Variants in CNTN5 observed in about 807,000 individuals in gnomAD.
The protein encoded by CNTN5 is contactin-5.
Under a neutral mutation model 129.1 loss-of-function variants are expected in CNTN5, and 77 were observed. The ratio of observed to expected loss-of-function variants is 0.60; its 90% CI spans 0.50 to 0.72. The LOEUF (loss-of-function observed/expected upper bound fraction) is 0.72. Ranked by LOEUF, CNTN5 falls within the 30% of genes least tolerant of loss-of-function variation. The pLI, the probability that CNTN5 is intolerant of heterozygous loss-of-function variation, is 0.00. For missense variants in CNTN5, 1,478 were observed against 1,328.8 expected, an observed-to-expected ratio of 1.11 and a Z score of -1.75; for synonymous variants, 509 against 465.6, an observed-to-expected ratio of 1.09 and a Z score of -1.20.
At chr11:99,610,345 C>G (rs1200812408) in intron 3 of CNTN5, among the ~76,000 whole-genome samples, 1 of 152,092 alleles carries the variant, frequency 6.6e-6, no homozygotes, top group Admixed American at 6.6e-5. Flanking sequence ...GGTGTTATTT[C>G]TCAGTCAGGT....
chr11:99,158,650 G>A (rs1209061298), intron 1 of CNTN5, among the ~76,000 whole-genome samples: 1 of 151,950 alleles, frequency 6.6e-6, no homozygotes, highest in African/African-American at 2.4e-5. Flanking sequence ...ACACATCATT[G>A]GGCAATAGGA....
chr11:99,102,103 C>T (rs1866763240), intron 1 of CNTN5, among the ~76,000 whole-genome samples: 1 of 152,200 alleles, frequency 6.6e-6, no homozygotes, highest in Non-Finnish European at 1.5e-5. Flanking sequence ...CTTGCACCCT[C>T]TGAAGACACA....
At chr11:100,233,035 C>T (rs1308701988) in intron 16 of CNTN5, among the ~76,000 whole-genome samples, 2 of 152,064 alleles carry the variant, frequency 1.3e-5, no homozygotes, top group Non-Finnish European at 2.9e-5. Context: ...ACTTAAACCT[C>T]TCTATGTTAA....
intron 1 of CNTN5, among the ~76,000 whole-genome samples, chr11:99,301,278 A>G (rs958717153): frequency 1.3e-5 from 2 of 151,050 alleles, no homozygotes; most frequent in African/African-American, 4.9e-5. Context: ...AATGAGTTAA[A>G]TACCCCAAAG....
chr11:100,302,177 C>T (rs918680493), intron 20 of CNTN5, among the ~76,000 whole-genome samples: 8 of 151,536 alleles, frequency 5.3e-5, no homozygotes, highest in Admixed American at 2.6e-4. Flanking sequence ...TTAGTCACTT[C>T]GCAATTTGCT....
chr11:99,294,481 T>C (rs1864299961), intron 1 of CNTN5, among the ~76,000 whole-genome samples: 1 of 152,092 alleles, frequency 6.6e-6, no homozygotes, highest in Non-Finnish European at 1.5e-5. Flanking sequence ...ATCTCTATAA[T>C]AAAACCAGTA....
At chr11:100,212,290 T>C (rs1016341864) in intron 15 of CNTN5, among the ~76,000 whole-genome samples, 6 of 152,166 alleles carry the variant, frequency 3.9e-5, no homozygotes, top group African/African-American at 1.4e-4. Context: ...AATGTGACTA[T>C]ACTTCAATGT....
At chr11:100,089,196 T>C (rs527842596) in intron 13 of CNTN5, among the ~76,000 whole-genome samples, 57 of 152,228 alleles carry the variant, frequency 3.7e-4, no homozygotes, top group African/African-American at 1.1e-3. Flanking sequence ...TTTTTTCTTG[T>C]AAATTTATTT....
At chr11:99,716,456 C>G (rs1323522343) in intron 3 of CNTN5, among the ~76,000 whole-genome samples, 1 of 152,114 alleles carries the variant, frequency 6.6e-6, no homozygotes, top group African/African-American at 2.4e-5. Context: ...CTTCCTCTCT[C>G]CACCTCTGGT....
At chr11:100,101,350 T>C (rs1408585004) in intron 13 of CNTN5, among the ~76,000 whole-genome samples, 3 of 152,044 alleles carry the variant, frequency 2.0e-5, no homozygotes, top group Non-Finnish European at 4.4e-5. Flanking sequence ...AGGTAAATGC[T>C]CAAGAAGGAT....
chr11:100,338,435 T>C (rs561934558), intron 21 of CNTN5, among the ~76,000 whole-genome samples: 3 of 152,322 alleles, frequency 2.0e-5, no homozygotes, highest in African/African-American at 7.2e-5. Context: ...AAATATGTTT[T>C]TGGCTTTCTA....
intron 13 of CNTN5, among the ~76,000 whole-genome samples, chr11:100,182,886 A>T (rs1299879943): frequency 6.6e-6 from 1 of 151,508 alleles, no homozygotes; most frequent in Non-Finnish European, 1.5e-5. Context: ...ACCTAAAATA[A>T]GAGTTATTTA....
Position 100,271,184 on chromosome 11 carries a change from C to T in CNTN5, c.2257C>T (p.Pro753Ser), listed in dbSNP as rs749499011. The change falls in exon 18 of 25, where the codon CCT becomes TCT. Residue 753 changes from proline (P) to serine (S), a missense_variant. Pro to Ser is a moderately conservative substitution (Grantham distance 74). Coordinates refer to ENST00000524871, the MANE Select transcript of CNTN5 (RefSeq NM_014361.4). ...EYEFRVVATN[P>S]IGTGDPSTPS... ...TGAATTTCGAGTGGTAGCCACCAAC[C>T]CTATTGGGACAGGAGATCCAAGCAC... is the stretch of plus-strand genomic sequence containing the variant. 3 of 1,613,018 alleles carry T rather than the reference C, an allele frequency of 1.9e-6. No individual in the cohort carries two copies. The South Asian group carries it at 3.3e-5, about 18-fold the overall frequency.
intron 7 of CNTN5, among the ~76,000 whole-genome samples, chr11:99,922,819 C>G (rs1949971072): frequency 6.6e-6 from 1 of 152,134 alleles, no homozygotes; most frequent in African/African-American, 2.4e-5. Flanking sequence ...ACTAGGTGTT[C>G]ATTAAACGCA....
chr11:99,730,725 G>A (rs1943502729), intron 3 of CNTN5, among the ~76,000 whole-genome samples: 1 of 152,146 alleles, frequency 6.6e-6, no homozygotes, highest in Non-Finnish European at 1.5e-5. Flanking sequence ...GATGATGCAT[G>A]CATACAATGT....
intron 3 of CNTN5, among the ~76,000 whole-genome samples, chr11:99,731,878 A>G (rs138246501): frequency 6.6e-6 from 1 of 152,354 alleles, no homozygotes; most frequent in African/African-American, 2.4e-5. Context: ...AGGCTAGCCC[A>G]GATTCAAAGG....
chr11:100,324,279 A>G (rs901430681), intron 21 of CNTN5, among the ~76,000 whole-genome samples: 6 of 152,182 alleles, frequency 3.9e-5, no homozygotes, highest in Non-Finnish European at 5.9e-5. Context: ...ATTTATTTAC[A>G]GAAATAGCAT....
chr11:99,324,973 A>G (rs1308191141), intron 1 of CNTN5, among the ~76,000 whole-genome samples: 1 of 152,168 alleles, frequency 6.6e-6, no homozygotes, highest in Non-Finnish European at 1.5e-5. Flanking sequence ...TAATAAATTT[A>G]ACATTGCATA....
At chr11:99,381,260 G>A (rs1054501032) in intron 2 of CNTN5, among the ~76,000 whole-genome samples, 2 of 152,100 alleles carry the variant, frequency 1.3e-5, no homozygotes, top group African/African-American at 2.4e-5. Flanking sequence ...GTGAGGGAAT[G>A]GGGGGAAGAG....
Sources: gnomAD v4.1 joint callset for allele counts (sites outside exome capture counted in the v4.1 genomes callset) on GRCh38, gnomAD v4.1.1 for gene constraint, MANE v1.5 for transcripts, NCBI Gene and HGNC (gene_info 2026-07-23, HGNC 2026-07-21) for gene names.